CTNNA3: variants seen among roughly 807,000 people sequenced by gnomAD.
CTNNA3 encodes catenin alpha 3.
In CTNNA3, 76 loss-of-function variants were observed where a neutral mutation model predicts 95.7. The ratio of observed to expected loss-of-function variants is 0.79; its 90% CI spans 0.66 to 0.96. CTNNA3 has a LOEUF of 0.96. CTNNA3 is among the 40% of genes least tolerant of loss of function. CTNNA3 has a pLI of 0.00. For synonymous variants in CTNNA3, 431 were observed against 374.4 expected (o/e 1.15, Z -1.74); for missense variants, 1,191 against 1,089.8 (o/e 1.09, Z -1.31).
chr10:66,611,389 C>A lies in CTNNA3; in HGVS notation c.1374+10303G>T, dbSNP rs539241264. ...TTTATGTATCCAAATATCATATGTA[C>A]CCCCAAAATATATATAACTATGATA... On this transcript the variant is annotated intron_variant, in intron 10 of 17. Transcript: ENST00000433211. Among the ~76,000 whole-genome samples the A allele has an allele frequency of 2.1e-4, 32 of 151,828 alleles. No homozygotes were observed. The South Asian group carries it at 6.0e-3, about 29-fold the overall frequency.
At chr10:66,380,990 T>A (rs2092834163) in intron 11 of CTNNA3, among the ~76,000 whole-genome samples, 1 of 149,690 alleles carries the variant, frequency 6.7e-6, no homozygotes, top group Admixed American at 6.6e-5. Context: ...ATTAGACAGA[T>A]CAATGAGACA....
chr10:67,671,440 T>C (rs1274115706), intron 1 of CTNNA3, among the ~76,000 whole-genome samples: 3 of 152,070 alleles, frequency 2.0e-5, no homozygotes, highest in Non-Finnish European at 4.4e-5. Flanking sequence ...ACATGTGCCA[T>C]GTTGGTGTGC....
At chr10:66,852,311 C>A (rs1843527416) in intron 7 of CTNNA3, among the ~76,000 whole-genome samples, 1 of 152,112 alleles carries the variant, frequency 6.6e-6, no homozygotes, top group Admixed American at 6.6e-5. Context: ...TTCTCTGACA[C>A]CCCTCATATT....
intron 13 of CTNNA3, among the ~76,000 whole-genome samples, chr10:66,189,602 A>ATG (rs1358160797): frequency 9.3e-6 from 1 of 107,042 alleles, no homozygotes; most frequent in African/African-American, 3.7e-5. Flanking sequence ...CTATAGATTT[A>ATG]TATATATATA....
At chr10:66,950,690 A>C (rs995828510) in intron 7 of CTNNA3, among the ~76,000 whole-genome samples, 7 of 152,198 alleles carry the variant, frequency 4.6e-5, no homozygotes, top group African/African-American at 1.7e-4. Context: ...TGAAGTATAA[A>C]ATTACTCCTG....
At chr10:66,401,472 G>A (rs1191531604) in intron 11 of CTNNA3, among the ~76,000 whole-genome samples, 5 of 150,664 alleles carry the variant, frequency 3.3e-5, no homozygotes, top group East Asian at 2.0e-4. Flanking sequence ...AGCCAAGATC[G>A]TGCCACTGCA....
intron 7 of CTNNA3, among the ~76,000 whole-genome samples, chr10:66,889,844 G>A (rs1476220044): frequency 6.7e-6 from 1 of 148,822 alleles, no homozygotes; most frequent in Non-Finnish European, 1.5e-5. Flanking sequence ...AGGCTGGAGT[G>A]CAGTGGTGCA....
At chr10:66,164,049 C>G (rs192050562) in intron 13 of CTNNA3, among the ~76,000 whole-genome samples, 6 of 152,128 alleles carry the variant, frequency 3.9e-5, no homozygotes, top group Non-Finnish European at 7.3e-5. Flanking sequence ...GGTTCATACT[C>G]TAGTGACTTT....
At chr10:66,596,407 T>C (rs986614177) in intron 10 of CTNNA3, among the ~76,000 whole-genome samples, 3 of 152,110 alleles carry the variant, frequency 2.0e-5, no homozygotes, top group Non-Finnish European at 4.4e-5. Context: ...CAAGACAGCA[T>C]GTGCAAGCTC....
At chr10:66,428,178 G>A (rs930237622) in intron 11 of CTNNA3, among the ~76,000 whole-genome samples, 1 of 152,094 alleles carries the variant, frequency 6.6e-6, no homozygotes, top group African/African-American at 2.4e-5. Context: ...AATGGTAAAG[G>A]AATCAATTCA....
At chr10:66,830,737 G>A (rs1842687914) in intron 7 of CTNNA3, among the ~76,000 whole-genome samples, 1 of 152,002 alleles carries the variant, frequency 6.6e-6, no homozygotes. Flanking sequence ...AGCCTCCCGA[G>A]TAGCTGGGAC....
chr10:67,082,929 A>G (rs1363942560), intron 7 of CTNNA3, among the ~76,000 whole-genome samples: 1 of 152,146 alleles, frequency 6.6e-6, no homozygotes, highest in Non-Finnish European at 1.5e-5. Flanking sequence ...AACTACATCA[A>G]TGAAATTAAG....
At chr10:66,602,424 C>T (rs1284740096) in intron 10 of CTNNA3, among the ~76,000 whole-genome samples, 1 of 151,766 alleles carries the variant, frequency 6.6e-6, no homozygotes, top group Non-Finnish European at 1.5e-5. Flanking sequence ...TAAGTGTGAA[C>T]CACCTACAAG....
At chr10:67,467,608 G>A (rs1034451872) in intron 5 of CTNNA3, among the ~76,000 whole-genome samples, 1 of 152,052 alleles carries the variant, frequency 6.6e-6, no homozygotes, top group African/African-American at 2.4e-5. Flanking sequence ...ACATCTTAGA[G>A]AACATGTGTT....
chr10:67,380,132 C>A (rs1379286615), intron 5 of CTNNA3, among the ~76,000 whole-genome samples: 2 of 150,940 alleles, frequency 1.3e-5, no homozygotes, highest in South Asian at 2.1e-4. Context: ...AGGCAATGTT[C>A]TTTTGTATTT....
chr10:66,110,880 T>C (rs2082097463), intron 13 of CTNNA3, among the ~76,000 whole-genome samples: 1 of 152,204 alleles, frequency 6.6e-6, no homozygotes, highest in Non-Finnish European at 1.5e-5. Context: ...ACCTAGGCTG[T>C]ATGGTATAAC....
chr10:67,081,244 T>C (rs949052387), intron 7 of CTNNA3, among the ~76,000 whole-genome samples: 5 of 152,192 alleles, frequency 3.3e-5, no homozygotes, highest in African/African-American at 1.2e-4. Context: ...TTTAAAATGC[T>C]TAATTCTCTA....
chr10:66,728,038 T>C (rs75508933), intron 9 of CTNNA3, among the ~76,000 whole-genome samples: 3,014 of 152,286 alleles, frequency 0.02, 57 homozygotes, highest in Middle Eastern at 0.058. Flanking sequence ...GAAGGGCGTA[T>C]TGTTTATGAA....
At chr10:67,270,840 C>T (rs2132417123) in intron 5 of CTNNA3, among the ~76,000 whole-genome samples, 1 of 152,184 alleles carries the variant, frequency 6.6e-6, no homozygotes, top group South Asian at 2.1e-4. Context: ...TTGATAATAA[C>T]AACAAAGAAA....
Sources: allele counts gnomAD v4.1 joint callset (sites outside exome capture counted in the v4.1 genomes callset), GRCh38; gene constraint gnomAD v4.1.1; transcripts MANE v1.5; gene names NCBI Gene and HGNC (gene_info 2026-07-23, HGNC 2026-07-21).